Variants in FAM124B observed in about 807,000 individuals in gnomAD.
FAM124B encodes protein FAM124B.
Under a neutral mutation model 19.7 loss-of-function variants are expected in FAM124B, and 18 were observed. The observed-to-expected ratio is 0.92, with a 90% CI of 0.63 to 1.36. The LOEUF is 1.36. FAM124B is among the 40% of genes most tolerant of loss of function. The pLI, the probability that FAM124B is intolerant of heterozygous loss-of-function variation, is 0.00. For missense variants in FAM124B, 540 were observed against 553.3 expected, an observed-to-expected ratio of 0.98 and a Z score of 0.24; for synonymous variants, 223 against 225.2, an observed-to-expected ratio of 0.99 and a Z score of 0.09.
intron 1 of FAM124B, among the ~76,000 whole-genome samples, chr2:224,397,074 G>C (rs1455681550): frequency 6.6e-6 from 1 of 152,154 alleles, no homozygotes; most frequent in East Asian, 1.9e-4. Flanking sequence ...TTTCGAAACA[G>C]AGTGATATGG....
At chr2:224,391,341 CAAAAAAAAAAA>C (rs754536476) in intron 1 of FAM124B, among the ~76,000 whole-genome samples, 1 of 67,370 alleles carries the variant, frequency 1.5e-5, no homozygotes, top group East Asian at 4.7e-4. Context: ...ACTCTTGTCT[CAAAAAAAAAAA>C]AAAAAAAGAA....
chr2:224,381,273 C>A (rs188365638), intron 1 of FAM124B, among the ~76,000 whole-genome samples: 1 of 152,060 alleles, frequency 6.6e-6, no homozygotes, highest in Non-Finnish European at 1.5e-5. Flanking sequence ...GCTTGGGCAA[C>A]TAGCAAGACC....
At chr2:224,387,534 A>C (rs1055732027) in intron 1 of FAM124B, among the ~76,000 whole-genome samples, 1 of 152,248 alleles carries the variant, frequency 6.6e-6, no homozygotes, top group East Asian at 1.9e-4. Context: ...TAAGAGTTGA[A>C]ACCAGACTTT....
intron 1 of FAM124B, among the ~76,000 whole-genome samples, chr2:224,395,601 C>T (rs551921817): frequency 6.1e-4 from 93 of 152,208 alleles, no homozygotes; most frequent in Non-Finnish European, 1.1e-3. Flanking sequence ...AGAATTAAAA[C>T]TGCCAAAGGA....
chr2:224,387,624 T>C (rs550883755), intron 1 of FAM124B, among the ~76,000 whole-genome samples: 2 of 152,166 alleles, frequency 1.3e-5, no homozygotes, highest in African/African-American at 2.4e-5. Flanking sequence ...TCTCCTATAA[T>C]AGCAGGACCC....
Position 224,379,594 on chromosome 2 carries a change from ATCT to A in FAM124B, c.1344_1346del (p.Glu448del), listed in dbSNP as rs995826949. 15 of 1,540,918 alleles carry A rather than the reference ATCT, an allele frequency of 9.7e-6. No individual in the cohort carries two copies. Among genetic ancestry groups the A allele is most frequent in the Middle Eastern group, 1.8e-4 (1 of 5,688 alleles). On this transcript the variant is annotated inframe_deletion, in exon 2 of 2. Transcript: ENST00000409685. ...TATGCTATATAAAGAATTCTTCTTCATCTTCTTCTTTTTCTTCACCCTGAACTT... is the reference window on the plus strand; with the variant it reads ...TATGCTATATAAAGAATTCTTCTTCATCTTCTTTTTCTTCACCCTGAACTT...
In FAM124B at chr2:224,380,221, A is replaced by G; in HGVS notation, c.733-13T>C. On this transcript the variant is annotated splice_polypyrimidine_tract_variant and intron_variant, in intron 1 of 1. Transcript: ENST00000409685. ...GATTCAGCTGAACCTACAGGAAAGG[A>G]AAGGAGGAACATATGAAACATAATT... 1 of 1,525,270 alleles carries G rather than the reference A, an allele frequency of 6.6e-7. No homozygotes were observed. The highest frequency in any genetic ancestry group is 1.2e-5 in the South Asian group (1 of 81,314). The allele number at this position is 1,525,270 out of a possible 1,614,324, so 94.5% of individuals were successfully genotyped here. A position where few individuals can be genotyped will look rare whatever the true frequency, so the allele number is the denominator to read the frequency against.
chr2:224,401,479 T>C lies in FAM124B; in HGVS notation c.290A>G (p.Tyr97Cys). The change falls in exon 1 of 2, where the codon TAC becomes TGC. Residue 97 changes from tyrosine (Y) to cysteine (C), a missense_variant. Transcript: ENST00000409685. ...CCTTCCCCGAGTGTCCTGGGTGGGGTAGCACTGCCATGGCGAATGCTGGAG... is the reference window on the plus strand; with the variant it reads ...CCTTCCCCGAGTGTCCTGGGTGGGGCAGCACTGCCATGGCGAATGCTGGAG... ...DSLQHSPWQCYPTQDTRGRLC... is the reference protein window; with the variant it reads ...DSLQHSPWQCCPTQDTRGRLC... The C allele has an allele frequency of 6.2e-7, 1 of 1,613,986 alleles. No homozygotes were observed. The highest frequency in any genetic ancestry group is 1.3e-5 in the African/African-American group (1 of 74,994).
chr2:224,400,899 C>G, intron 1 of FAM124B, 138 bp downstream of exon 1: 1 of 1,168,116 alleles, frequency 8.6e-7, no homozygotes, highest in East Asian at 2.5e-5. Context: ...TCAAACTGCC[C>G]TGGGGTGGGA....
Position 224,393,872 on chromosome 2 carries a change from C to T in FAM124B, c.732+7165G>A, listed in dbSNP as rs889608776. Among the ~76,000 whole-genome samples, 7 of 152,270 alleles carry T rather than the reference C, an allele frequency of 4.6e-5. No homozygotes were observed. In the East Asian group the frequency reaches 5.8e-4, roughly 13 times the overall value. On this transcript the variant is annotated intron_variant, in intron 1 of 1. Transcript: ENST00000409685. ...GCTTGGTCTCAGCAGTGTTTGGGGACGGTTCCATAAGCCCGGAGTGGTGGT... is the reference window on the plus strand; with the variant it reads ...GCTTGGTCTCAGCAGTGTTTGGGGATGGTTCCATAAGCCCGGAGTGGTGGT...
intron 1 of FAM124B, among the ~76,000 whole-genome samples, chr2:224,389,212 A>G (rs780461866): frequency 1.6e-4 from 25 of 152,312 alleles, no homozygotes; most frequent in Non-Finnish European, 2.6e-4. Flanking sequence ...GATTACAGGC[A>G]TGAGCCACCA....
intron 1 of FAM124B, among the ~76,000 whole-genome samples, chr2:224,384,574 G>A (rs756001027): frequency 5.9e-5 from 9 of 152,124 alleles, no homozygotes; most frequent in Admixed American, 2.0e-4. Flanking sequence ...CAGGCTACCC[G>A]CCAGTCTGCC....
chr2:224,390,678 A>G (rs1437143963), intron 1 of FAM124B, among the ~76,000 whole-genome samples: 4 of 150,682 alleles, frequency 2.7e-5, no homozygotes, highest in Admixed American at 1.3e-4. Flanking sequence ...GATTCCCCCA[A>G]TACTTGTCAA....
Position 224,400,173 on chromosome 2 carries a change from G to A in FAM124B, c.732+864C>T, listed in dbSNP as rs75753679. On this transcript the variant is annotated intron_variant, in intron 1 of 1. Transcript: ENST00000409685. ...AAAAATTAAGTCAATACGAGTTGAT[G>A]GGTGCAACAAACCAATATGGCACAT... is the stretch of plus-strand genomic sequence containing the variant. 1,340 of 300,876 alleles carry A rather than the reference G, an allele frequency of 4.5e-3. 4 individuals carry two copies. The highest frequency in any genetic ancestry group is 9.9e-3 in the Middle Eastern group (11 of 1,112). 18.6% of individuals were successfully genotyped at this position (300,876 alleles called of 1,614,324 possible). A position where few individuals can be genotyped will look rare whatever the true frequency, so the allele number is the denominator to read the frequency against.
chr2:224,401,939 C>A lies in FAM124B; in HGVS notation c.-171G>T. The A allele has an allele frequency of 1.4e-6, 1 of 709,254 alleles. No individual in the cohort carries two copies. The highest frequency in any genetic ancestry group is 2.1e-5 in the South Asian group (1 of 46,732). The allele number at this position is 709,254 out of a possible 1,614,324, so 43.9% of individuals were successfully genotyped here. On this transcript the variant is annotated 5_prime_UTR_variant, in exon 1 of 2. Coordinates refer to ENST00000409685, the MANE Select transcript of FAM124B (RefSeq NM_001122779.2). ...AGACTAACACGTGCTCCTGGCCACC[C>A]GTGGACTTACGGCAAGAGAAGCTCA... is the stretch of plus-strand genomic sequence containing the variant.
At position 224,400,886 on chromosome 2, in the gene FAM124B, G is replaced by A. The variant is rs1414323500; in HGVS notation, c.732+151C>T. 21 of 1,003,454 alleles carry A rather than the reference G, an allele frequency of 2.1e-5. No homozygotes were observed. The Admixed American group carries it at 2.7e-4, about 13-fold the overall frequency. The allele number at this position is 1,003,454 out of a possible 1,614,324, so 62.2% of individuals were successfully genotyped here. A position where few individuals can be genotyped will look rare whatever the true frequency, so the allele number is the denominator to read the frequency against. On this transcript the variant is annotated intron_variant, in intron 1 of 1. Transcript: ENST00000409685. ...TAGGCCTGGATGTTCCCAGAGATTC[G>A]GATCAAACTGCCCTGGGGTGGGAAT...
Position 224,401,234 on chromosome 2 carries a change from A to T in FAM124B, c.535T>A (p.Ser179Thr). Residue 179 changes from serine (S) to threonine (T), a missense_variant, in exon 1 of 2, where the codon TCC (serine) becomes ACC (threonine). Physicochemically the swap from Ser to Thr is moderately conservative, Grantham distance 58. Coordinates refer to ENST00000409685, the MANE Select transcript of FAM124B (RefSeq NM_001122779.2). ...SNFCFFVLYA[S>T]KSFALQLSLK... ...GAGAGCTGCAGAGCAAAGCTCTTGG[A>T]GGCATAGAGCACGAAGAAACAAAAA... 1 of 1,614,072 alleles carries T rather than the reference A, an allele frequency of 6.2e-7. No individual in the cohort carries two copies. The highest frequency in any genetic ancestry group is 8.5e-7 in the Non-Finnish European group (1 of 1,180,022).
intron 1 of FAM124B, among the ~76,000 whole-genome samples, chr2:224,398,166 C>T (rs1574577447): frequency 6.6e-6 from 1 of 152,164 alleles, no homozygotes; most frequent in African/African-American, 2.4e-5. Flanking sequence ...GGCACAATCT[C>T]GGCTCACTGC....
intron 1 of FAM124B, among the ~76,000 whole-genome samples, chr2:224,381,587 G>C (rs557945431): frequency 6.6e-6 from 1 of 152,290 alleles, no homozygotes; most frequent in African/African-American, 2.4e-5. Flanking sequence ...AAACTACTCT[G>C]CATGATACTG....
Sources: allele counts gnomAD v4.1 joint callset (sites outside exome capture counted in the v4.1 genomes callset), GRCh38; gene constraint gnomAD v4.1.1; transcripts MANE v1.5; gene names NCBI Gene and HGNC (gene_info 2026-07-23, HGNC 2026-07-21).